Variants in ITIH5 observed in about 807,000 individuals in gnomAD.
ITIH5 encodes the protein inter-alpha-trypsin inhibitor heavy chain H5.
A neutral mutation model predicts 77.5 loss-of-function variants in ITIH5; 65 were observed. The observed-to-expected ratio is 0.84, with a 90% CI of 0.69 to 1.03. The LOEUF is 1.03. Among genes scored for constraint, ITIH5 ranks in the 50% least tolerant of loss-of-function variants. ITIH5 has a pLI of 0.00. For missense variants in ITIH5, 1,208 were observed against 1,213.1 expected, an observed-to-expected ratio of 1.00 and a Z score of 0.06; for synonymous variants, 525 against 494.3, an observed-to-expected ratio of 1.06 and a Z score of -0.82.
At chr10:7,569,004 CTTTTTCTT>C (rs1832242634) in intron 12 of ITIH5, among the ~76,000 whole-genome samples, 5 of 115,284 alleles carry the variant, frequency 4.3e-5, no homozygotes, top group African/African-American at 9.9e-5. Flanking sequence ...TTCTTTTTTT[CTTTTTCTT>C]TTTTTTTTTT....
chr10:7,644,653 C>A (rs1188226831), intron 2 of ITIH5, among the ~76,000 whole-genome samples: 1 of 129,322 alleles, frequency 7.7e-6, no homozygotes, highest in African/African-American at 3.0e-5. Context: ...TCATATATAT[C>A]ACATATATAT....
At chr10:7,585,281 C>A (rs1030835337) in intron 8 of ITIH5, among the ~76,000 whole-genome samples, 3 of 152,222 alleles carry the variant, frequency 2.0e-5, no homozygotes, top group African/African-American at 7.2e-5. Flanking sequence ...CAGCTGGTAA[C>A]ACACTGCTCT....
rs1000775277 is a variant in ITIH5 at position 7,616,991 on chromosome 10, T to G, written c.822+122A>C. 8 of 622,790 alleles carry G rather than the reference T, an allele frequency of 1.3e-5. No individual in the cohort carries two copies. In the African/African-American group the frequency reaches 1.5e-4, roughly 12 times the overall value. The allele number at this position is 622,790 out of a possible 1,614,324, so 38.6% of individuals were successfully genotyped here. A position where few individuals can be genotyped will look rare whatever the true frequency, so the allele number is the denominator to read the frequency against. ...GTCTCTTTGAAGAAATACTTTGGAT[T>G]AAAACAAATTTACTAAGAAGCAGAA... On this transcript the variant is annotated intron_variant, in intron 6 of 13. Coordinates refer to ENST00000397146, the MANE Select transcript of ITIH5 (RefSeq NM_030569.7).
At chr10:7,633,576 C>T (rs1225784395) in intron 5 of ITIH5, among the ~76,000 whole-genome samples, 1 of 151,992 alleles carries the variant, frequency 6.6e-6, no homozygotes, top group Non-Finnish European at 1.5e-5. Flanking sequence ...AATTCTATTT[C>T]TATCCATAAT....
chr10:7,640,591 A>C (rs1833869166), intron 4 of ITIH5, among the ~76,000 whole-genome samples, 163 bp downstream of exon 4: 1 of 152,100 alleles, frequency 6.6e-6, no homozygotes. Flanking sequence ...TATTACAAAC[A>C]CTTATCTACT....
intron 7 of ITIH5, among the ~76,000 whole-genome samples, chr10:7,606,477 T>C (rs1257539569): frequency 6.6e-6 from 1 of 152,140 alleles, no homozygotes; most frequent in Non-Finnish European, 1.5e-5. Flanking sequence ...CTGGGAGCCA[T>C]TATCCTAAGC....
intron 1 of ITIH5, among the ~76,000 whole-genome samples, chr10:7,657,485 G>T (rs1316322876): frequency 6.6e-6 from 1 of 151,334 alleles, no homozygotes; most frequent in Non-Finnish European, 1.5e-5. Context: ...AAAAAAAAAT[G>T]AACACAAAAG....
chr10:7,614,058 G>A (rs967374963), intron 7 of ITIH5, among the ~76,000 whole-genome samples: 9 of 152,192 alleles, frequency 5.9e-5, no homozygotes, highest in African/African-American at 2.2e-4. Context: ...ATCATTCGAT[G>A]ACTGCCAGTG....
In ITIH5 at chr10:7,560,607, T is replaced by A. The variant is rs1416264748; in HGVS notation, c.*2476A>T. 6.6e-6 allele frequency: 1 copy of A among 152,218 alleles called. No homozygotes were observed. The highest frequency in any genetic ancestry group is 1.5e-5 in the Non-Finnish European group (1 of 68,050). The allele number at this position is 152,218 out of a possible 1,614,324, so 9.4% of individuals were successfully genotyped here. The stretch of plus-strand genomic sequence containing the variant: ...GGGGTCAGGGGAGGATAGAGAACAA[T>A]GTTCCTTCATTTTGAAAGGCAGAGA... On this transcript the variant is annotated 3_prime_UTR_variant, in exon 14 of 14. Coordinates refer to ENST00000397146, the MANE Select transcript of ITIH5 (RefSeq NM_030569.7).
At chr10:7,663,662 C>A (rs931579398) in intron 1 of ITIH5, among the ~76,000 whole-genome samples, 3 of 152,142 alleles carry the variant, frequency 2.0e-5, no homozygotes, top group Admixed American at 6.5e-5. Context: ...ACTCTCCTCC[C>A]AAAGCCTAGA....
intron 5 of ITIH5, among the ~76,000 whole-genome samples, chr10:7,628,671 G>A (rs77866146): frequency 0.14 from 18,319 of 135,110 alleles, 2,414 homozygotes; most frequent in Non-Finnish European, 0.21. Flanking sequence ...TGTCACATGT[G>A]TCCATGTTGT....
Position 7,582,453 on chromosome 10 carries a change from T to C in ITIH5, c.1109-2389A>G, listed in dbSNP as rs574595088. On this transcript the variant is annotated intron_variant, in intron 8 of 13. Transcript: ENST00000397146. ...TACTGTAGTGTGAACACCTATTTCC[T>C]TTGTTTTTTTTTTAAAATGGCTTAA... 1.1e-3 allele frequency among the ~76,000 whole-genome samples: 41 copies of C among 37,416 alleles called. No homozygotes were observed. The East Asian group carries it at 0.016, about 14-fold the overall frequency. The allele number at this position is 37,416 out of a possible 152,430, so 24.5% of individuals were successfully genotyped here. A position where few individuals can be genotyped will look rare whatever the true frequency, so the allele number is the denominator to read the frequency against.
intron 5 of ITIH5, among the ~76,000 whole-genome samples, chr10:7,636,246 G>A (rs1833796703): frequency 6.6e-6 from 1 of 152,064 alleles, no homozygotes; most frequent in Admixed American, 6.6e-5. Flanking sequence ...TAAATGAAGA[G>A]CTATTTTAAA....
chr10:7,620,922 G>A (rs977177387), intron 5 of ITIH5: 3 of 152,208 alleles, frequency 2.0e-5, no homozygotes, highest in African/African-American at 7.2e-5. Flanking sequence ...CCCCCCACGA[G>A]GGTGTAGAGC....
chr10:7,582,223 T>C (rs1034972919), intron 8 of ITIH5, among the ~76,000 whole-genome samples: 19 of 152,100 alleles, frequency 1.2e-4, no homozygotes, highest in African/African-American at 4.3e-4. Flanking sequence ...ATCAGACAAT[T>C]TAAGTTTGGG....
intron 6 of ITIH5, among the ~76,000 whole-genome samples, chr10:7,616,514 T>C (rs1218319254): frequency 6.6e-6 from 1 of 152,092 alleles, no homozygotes; most frequent in African/African-American, 2.4e-5. Flanking sequence ...TAAAGGGAAA[T>C]GAGCAGCCTC....
At chr10:7,644,445 T>TATATCATATATATCAC (rs1833944137) in intron 2 of ITIH5, among the ~76,000 whole-genome samples, 1 of 144,382 alleles carries the variant, frequency 6.9e-6, no homozygotes, top group Admixed American at 7.1e-5. Context: ...ATATATCACA[T>TATATCATATATATCAC]ATAGATCATA....
rs1832048208 is a variant in ITIH5 at position 7,561,950 on chromosome 10, C to T, written c.*1133G>A. 6.6e-6 allele frequency: 1 copy of T among 152,210 alleles called. No individual in the cohort carries two copies. The highest frequency in any genetic ancestry group is 2.1e-4 in the South Asian group (1 of 4,828). The allele number at this position is 152,210 out of a possible 1,614,324, so 9.4% of individuals were successfully genotyped here. ...GACGTTCATTGACTCTGGAAGTCCC[C>T]TCTCATCTTAACCTTTTCCTTAAGG... On this transcript the variant is annotated 3_prime_UTR_variant, in exon 14 of 14. Transcript: ENST00000397146.
Position 7,663,388 on chromosome 10 carries a change from C to T in ITIH5, c.90+3415G>A, listed in dbSNP as rs1371415664. The stretch of plus-strand genomic sequence containing the variant: ...TGCCTGAATTAACTCATTTAATCCT[C>T]GAACAACCATAAAAGCAGAACTGTT... On this transcript the variant is annotated intron_variant, in intron 1 of 13. Coordinates refer to ENST00000397146, the MANE Select transcript of ITIH5 (RefSeq NM_030569.7). Among the ~76,000 whole-genome samples the T allele has an allele frequency of 2.0e-5, 3 of 152,092 alleles. No individual in the cohort carries two copies. In the South Asian group the frequency reaches 6.3e-4, roughly 32 times the overall value.
Sources: allele counts gnomAD v4.1 joint callset (sites outside exome capture counted in the v4.1 genomes callset), GRCh38; gene constraint gnomAD v4.1.1; transcripts MANE v1.5; gene names NCBI Gene and HGNC (gene_info 2026-07-23, HGNC 2026-07-21).